CNTNAP3: variants seen among roughly 807,000 people sequenced by gnomAD.
CNTNAP3 encodes contactin associated protein family member 3.
A neutral mutation model predicts 92.1 loss-of-function variants in CNTNAP3; 36 were observed. The observed-to-expected ratio is 0.39, with a 90% CI of 0.30 to 0.52. The LOEUF (loss-of-function observed/expected upper bound fraction) is 0.52. CNTNAP3 is among the 20% of genes least tolerant of loss of function. CNTNAP3 has a pLI of 0.76. For synonymous variants in CNTNAP3, 232 were observed against 422.3 expected (o/e 0.55, Z 5.53); for missense variants, 534 against 1,069.6 (o/e 0.50, Z 6.98).
intron 11 of CNTNAP3, among the ~76,000 whole-genome samples, chr9:39,141,646 A>AT (rs1031126481): frequency 3.9e-5 from 6 of 152,070 alleles, no homozygotes; most frequent in East Asian, 1.9e-4. Context: ...GCTAATCTTT[A>AT]TTTTTTTGCC....
At chr9:39,148,526 CTTTTTTT>C (rs887513999) in intron 10 of CNTNAP3, among the ~76,000 whole-genome samples, 3 of 137,890 alleles carry the variant, frequency 2.2e-5, no homozygotes, top group African/African-American at 5.3e-5. Flanking sequence ...GCAGATATAA[CTTTTTTT>C]TTTTTTTTTT....
chr9:39,073,967 TGG>T lies in CNTNAP3; in HGVS notation c.3788_3789del (p.Ala1263AspfsTer16), dbSNP rs765181694. 3 of 1,597,454 alleles carry T rather than the reference TGG, an allele frequency of 1.9e-6. No homozygotes were observed. Among genetic ancestry groups the T allele is most frequent in the African/African-American group, 2.7e-5 (2 of 74,890 alleles). The stretch of plus-strand genomic sequence containing the variant: ...CTCTGTTGATAGATGCGTATGGCTA[TGG>T]CAGTGATGCAAAGCAAAATAAATAT... ...VVIFILLCIT[A>X]IAIRIYQQRK... On this transcript the variant is annotated frameshift_variant, in exon 24 of 24. Coordinates refer to ENST00000297668, the MANE Select transcript of CNTNAP3 (RefSeq NM_033655.5). LOFTEE classifies it high-confidence loss of function.
At chr9:39,098,201 A>C (rs1271010589) in intron 18 of CNTNAP3, among the ~76,000 whole-genome samples, 2 of 145,752 alleles carry the variant, frequency 1.4e-5, no homozygotes, top group Admixed American at 6.7e-5. Flanking sequence ...AGAAAAGTTG[A>C]AGGGCTTTCA....
rs535469398 is a variant in CNTNAP3 at position 39,100,109 on chromosome 9, G to A, written c.2797C>T (p.Arg933Trp). The change falls in exon 18 of 24, where the codon CGG becomes TGG. Residue 933 changes from arginine to tryptophan, a missense_variant. Transcript: ENST00000297668. ...TRQRGFLGCI[R>W]SLQLNGVALD... Reference sequence around the variant, plus strand: ...GCCACCCCGTTCAACTGCAGAGACCGAATGCATCCTAGAAAGCCTCTCTGT... The same window carrying A: ...GCCACCCCGTTCAACTGCAGAGACCAAATGCATCCTAGAAAGCCTCTCTGT... 232 of 1,586,348 alleles carry A rather than the reference G, an allele frequency of 1.5e-4. 1 individual carries two copies. The highest frequency in any genetic ancestry group is 6.8e-5 in the East Asian group (3 of 44,278).
Position 39,070,764 on chromosome 9 carries a change from T to A in CNTNAP3, c.*3126A>T, listed in dbSNP as rs1420693080. On this transcript the variant is annotated 3_prime_UTR_variant, in exon 24 of 24. Transcript: ENST00000297668. Reference sequence around the variant, plus strand: ...GCTTATTTCACAGTGCATGCCTGTATCAAAACATTTCATGTACTCCATAAA... The same window carrying A: ...GCTTATTTCACAGTGCATGCCTGTAACAAAACATTTCATGTACTCCATAAA... 6.6e-6 allele frequency among the ~76,000 whole-genome samples: 1 copy of A among 152,290 alleles called. No individual in the cohort carries two copies. The highest frequency in any genetic ancestry group is 1.5e-5 in the Non-Finnish European group (1 of 68,042).
intron 10 of CNTNAP3, among the ~76,000 whole-genome samples, chr9:39,146,063 C>A (rs11791259): frequency 0.016 from 2,466 of 151,672 alleles, 16 homozygotes; most frequent in East Asian, 0.094. Context: ...GAAATAAGAA[C>A]TATTTAAGTG....
At chr9:39,116,724 TGAGG>T (rs1355441953) in intron 14 of CNTNAP3, among the ~76,000 whole-genome samples, 1 of 152,060 alleles carries the variant, frequency 6.6e-6, no homozygotes, top group African/African-American at 2.4e-5. Context: ...ATTTTGAACT[TGAGG>T]AAGATTAAAA....
rs1324062570 is a variant in CNTNAP3, at chr9:39,105,009, C to T, written c.2366-1095G>A. ...AACTTTACCCAGTTAAAAATTTCTT[C>T]ATCCAATGGTTTTACAATATATTGA... is the stretch of plus-strand genomic sequence containing the variant. On this transcript the variant is annotated intron_variant, in intron 15 of 23. Coordinates refer to ENST00000297668, the MANE Select transcript of CNTNAP3 (RefSeq NM_033655.5). Among the ~76,000 whole-genome samples, 8 of 152,160 alleles carry T rather than the reference C, an allele frequency of 5.3e-5. No homozygotes were observed. The East Asian group carries it at 1.3e-3, about 26-fold the overall frequency.
At chr9:39,112,424 G>C (rs1826770684) in intron 14 of CNTNAP3, among the ~76,000 whole-genome samples, 1 of 152,030 alleles carries the variant, frequency 6.6e-6, no homozygotes, top group East Asian at 1.9e-4. Context: ...GGAGTGCAAT[G>C]GTGTGATCTC....
intron 21 of CNTNAP3, among the ~76,000 whole-genome samples, chr9:39,083,476 T>C (rs1049115905): frequency 6.6e-6 from 1 of 151,946 alleles, no homozygotes; most frequent in Non-Finnish European, 1.5e-5. Context: ...CTGACCAACA[T>C]GATGAAACCC....
intron 18 of CNTNAP3, among the ~76,000 whole-genome samples, chr9:39,097,768 G>C (rs951209419): frequency 6.9e-6 from 1 of 145,952 alleles, no homozygotes; most frequent in African/African-American, 2.5e-5. Context: ...TGCTGGGAGA[G>C]GGTCTTGGCT....
rs1327160585 is a variant in CNTNAP3 at position 39,149,993 on chromosome 9, A to C, written c.1478-16T>G. 2 of 1,611,384 alleles carry C rather than the reference A, an allele frequency of 1.2e-6. No individual in the cohort carries two copies. The highest frequency in any genetic ancestry group is 1.7e-6 in the Non-Finnish European group (2 of 1,179,652). ...TCCAGGCAGCCTAAATATGAAGACAAAAATAGGACAAAAGCAACAACTATG... is the reference window on the plus strand; with the variant it reads ...TCCAGGCAGCCTAAATATGAAGACACAAATAGGACAAAAGCAACAACTATG... On this transcript the variant is annotated splice_polypyrimidine_tract_variant and intron_variant, in intron 9 of 23. Transcript: ENST00000297668.
chr9:39,120,093 G>T (rs1305090638), intron 13 of CNTNAP3, among the ~76,000 whole-genome samples: 1 of 152,088 alleles, frequency 6.6e-6, no homozygotes, highest in Admixed American at 6.6e-5. Flanking sequence ...CAGAGATTTA[G>T]GAAGTAAAGT....
intron 20 of CNTNAP3, 72 bp downstream of exon 20, chr9:39,086,644 A>T (rs1429872742): frequency 6.8e-7 from 1 of 1,468,276 alleles, no homozygotes; most frequent in Admixed American, 1.9e-5. Flanking sequence ...ATATTATCAA[A>T]TTTTTTCATT....
intron 17 of CNTNAP3, among the ~76,000 whole-genome samples, 170 bp downstream of exon 17, chr9:39,102,327 A>C (rs1421754023): frequency 5.2e-5 from 8 of 152,400 alleles, no homozygotes; most frequent in African/African-American, 1.9e-4. Context: ...AGAAATGTCA[A>C]ATAAGAAGCA....
At chr9:39,119,949 A>G (rs560650122) in intron 13 of CNTNAP3, among the ~76,000 whole-genome samples, 1 of 152,332 alleles carries the variant, frequency 6.6e-6, no homozygotes, top group Admixed American at 6.5e-5. Context: ...CAGACTGAAT[A>G]TAAAAAGAAC....
chr9:39,099,893 C>T lies in CNTNAP3; in HGVS notation c.2995+18G>A, dbSNP rs1826413540. 3.7e-6 allele frequency: 6 copies of T among 1,609,236 alleles called. No homozygotes were observed. The South Asian group carries it at 5.5e-5, about 15-fold the overall frequency. Reference sequence around the variant, plus strand: ...TTTCATGTACTTTCCCTATAACCTGCTCCTTGGTCACACTTACCATTGGAG... The same window carrying T: ...TTTCATGTACTTTCCCTATAACCTGTTCCTTGGTCACACTTACCATTGGAG... On this transcript the variant is annotated intron_variant, in intron 18 of 23. Coordinates refer to ENST00000297668, the MANE Select transcript of CNTNAP3 (RefSeq NM_033655.5).
chr9:39,105,910 T>C (rs1826593855), intron 15 of CNTNAP3, among the ~76,000 whole-genome samples: 1 of 149,168 alleles, frequency 6.7e-6, no homozygotes, highest in Non-Finnish European at 1.5e-5. Context: ...TCTACAGTTA[T>C]CTATTATGTA....
Position 39,149,822 on chromosome 9 carries a change from A to T in CNTNAP3, c.1633T>A (p.Cys545Ser). The change falls in exon 10 of 24, where the codon TGC becomes AGC. Residue 545 changes from cysteine to serine, a missense_variant. Physicochemically the swap from Cys to Ser is moderately radical, Grantham distance 112 (BLOSUM62 -1). Coordinates refer to ENST00000297668, the MANE Select transcript of CNTNAP3 (RefSeq NM_033655.5). ...GSFRDLQIDS[C>S]GITDRCLPSY... ...GGCCCTTACCTGTCTGTGATGCCGC[A>T]GGAGTCTATCTGGAGGTCCCTGAAA... The T allele has an allele frequency of 6.3e-7, 1 of 1,595,452 alleles. No homozygotes were observed. Among genetic ancestry groups the T allele is most frequent in the Non-Finnish European group, 8.5e-7 (1 of 1,170,434 alleles).
Sources: allele counts gnomAD v4.1 joint callset (sites outside exome capture counted in the v4.1 genomes callset), GRCh38; gene constraint gnomAD v4.1.1; transcripts MANE v1.5; gene names NCBI Gene and HGNC (gene_info 2026-07-23, HGNC 2026-07-21).